Variants in LRRN2 observed in about 807,000 individuals in gnomAD.
The protein encoded by LRRN2 is leucine rich repeat neuronal 2, also known as leucine-rich repeat neuronal protein 2.
A neutral mutation model predicts 35.7 loss-of-function variants in LRRN2; 10 were observed. The observed-to-expected ratio is 0.28, with a 90% CI of 0.17 to 0.47. The LOEUF (loss-of-function observed/expected upper bound fraction) is 0.47, where lower values mean the gene tolerates loss of function less well. Among genes scored for constraint, LRRN2 ranks in the 20% least tolerant of loss-of-function variants. The probability of loss-of-function intolerance (pLI) is 0.99; values close to 1 mark genes in which losing one functional copy is unlikely to be tolerated. For missense variants in LRRN2, 731 were observed against 940.3 expected (o/e 0.78, Z 2.91); for synonymous variants, 391 against 409.6 (o/e 0.95, Z 0.55).
At chr1:204,642,234 C>T (rs1398555687) in intron 1 of LRRN2, among the ~76,000 whole-genome samples, 1 of 152,192 alleles carries the variant, frequency 6.6e-6, no homozygotes, top group Non-Finnish European at 1.5e-5. Flanking sequence ...ATGGCTGTAA[C>T]TGACATTTCT....
intron 1 of LRRN2, among the ~76,000 whole-genome samples, chr1:204,681,280 T>G (rs1198117229): frequency 6.6e-6 from 1 of 152,130 alleles, no homozygotes; most frequent in Non-Finnish European, 1.5e-5. Context: ...CTTATCCCTA[T>G]AGTCCAACAC....
In LRRN2 at chr1:204,634,722, C is replaced by T. The variant is rs183555038; in HGVS notation, c.-226-14504G>A. On this transcript the variant is annotated intron_variant, in intron 1 of 1. Transcript: ENST00000367177. ...GGTTTCAGAGCGAGGATGGCCCTGCCGACACCTTGATTTTGAACCTCCAGC... is the reference window on the plus strand; with the variant it reads ...GGTTTCAGAGCGAGGATGGCCCTGCTGACACCTTGATTTTGAACCTCCAGC... Among the ~76,000 whole-genome samples the T allele has an allele frequency of 7.9e-5, 12 of 152,226 alleles. No homozygotes were observed. In the East Asian group the frequency reaches 9.6e-4, roughly 12 times the overall value.
intron 1 of LRRN2, chr1:204,633,355 G>A (rs1230797555): frequency 1.3e-5 from 2 of 152,226 alleles, no homozygotes; most frequent in Non-Finnish European, 2.9e-5. Context: ...GCCCTCTGAA[G>A]TCAAAGGGGC....
chr1:204,633,493 G>A (rs955246672), intron 1 of LRRN2, among the ~76,000 whole-genome samples: 3 of 152,154 alleles, frequency 2.0e-5, no homozygotes, highest in Admixed American at 1.3e-4. Context: ...CAGTGAGAGG[G>A]CAATGATAAT....
At chr1:204,682,018 C>T (rs1417954027) in intron 1 of LRRN2, among the ~76,000 whole-genome samples, 1 of 152,156 alleles carries the variant, frequency 6.6e-6, no homozygotes, top group Non-Finnish European at 1.5e-5. Flanking sequence ...CTTGTCCTTC[C>T]CTGGAGTCCT....
Position 204,647,884 on chromosome 1 carries a change from T to A in LRRN2, c.-226-27666A>T, listed in dbSNP as rs577030742. Reference sequence around the variant, plus strand: ...TAATATGAAAAAAGAATGTGAAACATCTCATTCATGAATTTGTTATTGATT... The same window carrying A: ...TAATATGAAAAAAGAATGTGAAACAACTCATTCATGAATTTGTTATTGATT... On this transcript the variant is annotated intron_variant, in intron 1 of 1. Transcript: ENST00000367177. Among the ~76,000 whole-genome samples the A allele has an allele frequency of 2.8e-4, 42 of 152,362 alleles. 1 individual carries two copies. The South Asian group carries it at 6.0e-3, about 22-fold the overall frequency.
chr1:204,636,334 A>C (rs1440816566), intron 1 of LRRN2, among the ~76,000 whole-genome samples: 1 of 152,238 alleles, frequency 6.6e-6, no homozygotes, highest in Non-Finnish European at 1.5e-5. Flanking sequence ...AGAGGGGCAC[A>C]CTAAAAGAAG....
At chr1:204,628,097 A>T (rs1384838682) in intron 1 of LRRN2, 3 of 152,278 alleles carry the variant, frequency 2.0e-5, no homozygotes, top group African/African-American at 7.2e-5. Context: ...TCCTGACAGG[A>T]AAGAGACAAA....
chr1:204,634,438 G>A (rs1667783374), intron 1 of LRRN2, among the ~76,000 whole-genome samples: 1 of 152,178 alleles, frequency 6.6e-6, no homozygotes, highest in South Asian at 2.1e-4. Context: ...CTAACCCCCA[G>A]TACCTATAAA....
At chr1:204,667,448 G>A (rs1243785879) in intron 1 of LRRN2, among the ~76,000 whole-genome samples, 2 of 152,116 alleles carry the variant, frequency 1.3e-5, no homozygotes, top group African/African-American at 2.4e-5. Context: ...AGGATTCAAC[G>A]AGTTAATATA....
chr1:204,663,238 A>G (rs1227112835), intron 1 of LRRN2, among the ~76,000 whole-genome samples: 1 of 152,196 alleles, frequency 6.6e-6, no homozygotes, highest in African/African-American at 2.4e-5. Context: ...TGGAGGCATC[A>G]GCTCATGGAC....
intron 1 of LRRN2, among the ~76,000 whole-genome samples, chr1:204,651,117 T>C (rs1668214582): frequency 1.3e-5 from 2 of 152,156 alleles, no homozygotes; most frequent in Non-Finnish European, 2.9e-5. Context: ...TGATCTGATA[T>C]CCTGTTGCTG....
intron 1 of LRRN2, among the ~76,000 whole-genome samples, chr1:204,652,125 G>C (rs113950162): frequency 3.6e-4 from 55 of 152,238 alleles, no homozygotes; most frequent in African/African-American, 1.3e-3. Flanking sequence ...CAAAGGTTGC[G>C]GATGGCTTCA....
intron 1 of LRRN2, among the ~76,000 whole-genome samples, chr1:204,684,425 G>T (rs1449577104): frequency 6.6e-6 from 1 of 152,188 alleles, no homozygotes; most frequent in Non-Finnish European, 1.5e-5. Flanking sequence ...GGGGGAGGAA[G>T]GGTAGGGAGC....
chr1:204,674,990 G>C (rs1430853673), intron 1 of LRRN2, among the ~76,000 whole-genome samples: 1 of 152,226 alleles, frequency 6.6e-6, no homozygotes, highest in African/African-American at 2.4e-5. Flanking sequence ...ACGAGTTCAT[G>C]AGAGAATTCA....
intron 1 of LRRN2, among the ~76,000 whole-genome samples, chr1:204,658,042 A>G (rs1668398572): frequency 7.0e-6 from 1 of 143,804 alleles, no homozygotes; most frequent in Admixed American, 7.2e-5. Context: ...CAATGGCGTA[A>G]TCTCGGCTCA....
At chr1:204,683,467 G>C (rs1461690088) in intron 1 of LRRN2, among the ~76,000 whole-genome samples, 2 of 151,946 alleles carry the variant, frequency 1.3e-5, no homozygotes. Context: ...AGGAGGATGA[G>C]GGGGAGGAGG....
intron 1 of LRRN2, among the ~76,000 whole-genome samples, chr1:204,625,506 T>C (rs1335930695): frequency 6.6e-6 from 1 of 152,006 alleles, no homozygotes; most frequent in Non-Finnish European, 1.5e-5. Flanking sequence ...TACATAAATG[T>C]CCCTGATCCC....
intron 1 of LRRN2, among the ~76,000 whole-genome samples, chr1:204,656,738 A>T (rs1240079787): frequency 6.6e-6 from 1 of 152,234 alleles, no homozygotes; most frequent in Non-Finnish European, 1.5e-5. Flanking sequence ...GCTGTTGAGA[A>T]GTCTGCTCTA....
Sources: allele counts gnomAD v4.1 joint callset (sites outside exome capture counted in the v4.1 genomes callset), GRCh38; gene constraint gnomAD v4.1.1; transcripts MANE v1.5; gene names NCBI Gene and HGNC (gene_info 2026-07-23, HGNC 2026-07-21).